Variants in AGTPBP1 observed in about 807,000 individuals in gnomAD.
AGTPBP1 encodes the protein ATP/GTP binding carboxypeptidase 1.
A neutral mutation model predicts 143.9 loss-of-function variants in AGTPBP1; 70 were observed. The observed-to-expected ratio is 0.49, with a 90% confidence interval of 0.40 to 0.59. The LOEUF is 0.59. Ranked by LOEUF, AGTPBP1 falls within the 20% of genes least tolerant of loss-of-function variation. The probability of loss-of-function intolerance (pLI) is 0.00; values close to 1 mark genes in which losing one functional copy is unlikely to be tolerated. For synonymous variants in AGTPBP1, 463 were observed against 500.2 expected (o/e 0.93, Z 0.99); for missense variants, 1,229 against 1,464.5 (o/e 0.84, Z 2.62).
At chr9:85,727,048 G>A (rs1191874141) in intron 1 of AGTPBP1, among the ~76,000 whole-genome samples, 2 of 152,130 alleles carry the variant, frequency 1.3e-5, no homozygotes, top group African/African-American at 2.4e-5. Context: ...TCCAAAATTC[G>A]GCCGGGTGTG....
intron 1 of AGTPBP1, among the ~76,000 whole-genome samples, chr9:85,721,066 G>A (rs57133189): frequency 0.029 from 4,412 of 152,266 alleles, 208 homozygotes; most frequent in African/African-American, 0.1. Context: ...TGCATTTGCT[G>A]AGGAGTGTTT....
Position 85,712,433 on chromosome 9 carries a change from G to A in AGTPBP1, c.32+69C>T, listed in dbSNP as rs572834121. 4.0e-5 allele frequency: 30 copies of A among 742,950 alleles called. 1 individual carries two copies. In the Admixed American group the frequency reaches 4.9e-4, roughly 12 times the overall value. The allele number at this position is 742,950 out of a possible 1,614,324, so 46.0% of individuals were successfully genotyped here. A position where few individuals can be genotyped will look rare whatever the true frequency, so the allele number is the denominator to read the frequency against. ...CACAAATAATACTTTGTCAAGTATT[G>A]AGTTTCAAGTAATTCTGTCATACAT... On this transcript the variant is annotated intron_variant, in intron 2 of 25. Transcript: ENST00000357081.
chr9:85,742,005 G>A (rs552189592), upstream of AGTPBP1: 1 of 1,208,212 alleles, frequency 8.3e-7, no homozygotes, highest in African/African-American at 1.6e-5. Context: ...CGCACGCCTT[G>A]CCAGCCGGCT....
intron 2 of AGTPBP1, among the ~76,000 whole-genome samples, chr9:85,703,269 T>C (rs914590219): frequency 2.6e-5 from 4 of 152,206 alleles, no homozygotes; most frequent in Non-Finnish European, 5.9e-5. Flanking sequence ...AAGACAGAAT[T>C]ATTCAATGAT....
chr9:85,678,279 T>C (rs1834958550), intron 5 of AGTPBP1, 56 bp downstream of exon 5: 4 of 1,205,046 alleles, frequency 3.3e-6, no homozygotes, highest in Middle Eastern at 1.9e-4. Flanking sequence ...GTGAATACGA[T>C]ACATTGTTGA....
At position 85,669,488 on chromosome 9, in the gene AGTPBP1, A is replaced by G; in HGVS notation, c.659T>C (p.Ile220Thr). 1 of 1,598,854 alleles carries G rather than the reference A, an allele frequency of 6.3e-7. No homozygotes were observed. The highest frequency in any genetic ancestry group is 1.3e-5 in the African/African-American group (1 of 74,648). ...TACATTCAAAACATTTACTCACTTT[A>G]TAAGACTGGAATTCTTCTTACTAAA... The part of the protein sequence containing the change: ...GPFSKKNSSL[I>T]KVALDTLAAL... The change falls in exon 8 of 26, where the codon ATA becomes ACA. Residue 220 changes from isoleucine to threonine, a missense_variant. This residue lies in a region of AGTPBP1 where 743 missense variants were observed against 812.2 expected (regional missense o/e 0.91). Coordinates refer to ENST00000357081, the MANE Select transcript of AGTPBP1 (RefSeq NM_001330701.2).
chr9:85,672,676 T>G lies in AGTPBP1; in HGVS notation c.442A>C (p.Lys148Gln). 6.3e-7 allele frequency: 1 copy of G among 1,588,726 alleles called. No individual in the cohort carries two copies. The highest frequency in any genetic ancestry group is 1.2e-5 in the South Asian group (1 of 85,842). Residue 148 changes from lysine (K) to glutamine (Q), a missense_variant, in exon 7 of 26, where the codon AAA (lysine) becomes CAA (glutamine). Around this residue, in one of 2 missense-constraint regions of AGTPBP1, gnomAD observed 743 missense variants for 812.2 expected, o/e 0.91. Coordinates refer to ENST00000357081, the MANE Select transcript of AGTPBP1 (RefSeq NM_001330701.2). ...TTAATTCTAGCCTTTACTCCAAATT[T>G]TTTATCTGTTTAAAAAAAAAAAAGA... ...ILAKIGPKDK[K>Q]FGVKARINGA...
chr9:85,728,852 T>C (rs937357858), intron 1 of AGTPBP1, among the ~76,000 whole-genome samples: 1 of 152,198 alleles, frequency 6.6e-6, no homozygotes, highest in African/African-American at 2.4e-5. Flanking sequence ...AGTATTACCT[T>C]GGCTTATGGT....
rs967492174 is a variant in AGTPBP1, at chr9:85,730,116, TC to T, written c.-34+11658del. 1.4e-4 allele frequency among the ~76,000 whole-genome samples: 22 copies of T among 152,322 alleles called. 1 individual carries two copies. Among genetic ancestry groups the T allele is most frequent in the African/African-American group, 4.1e-4 (17 of 41,584 alleles). Reference sequence around the variant, plus strand: ...CAATTTCACAATTAGACCAGAGGTTTCCTAATCATAAAAGAGGTAACTCTCT... The same window carrying T: ...CAATTTCACAATTAGACCAGAGGTTTCTAATCATAAAAGAGGTAACTCTCT... On this transcript the variant is annotated intron_variant, in intron 1 of 25. Coordinates refer to ENST00000357081, the MANE Select transcript of AGTPBP1 (RefSeq NM_001330701.2).
intron 3 of AGTPBP1, among the ~76,000 whole-genome samples, chr9:85,681,922 G>A (rs1835209041): frequency 6.6e-6 from 1 of 151,432 alleles, no homozygotes; most frequent in African/African-American, 2.4e-5. Flanking sequence ...GCTAATTTTT[G>A]TATTTTTAGT....
chr9:85,801,403 G>A, the AGTPBP1 span, among the ~76,000 whole-genome samples: 1 of 152,188 alleles, frequency 6.6e-6, no homozygotes, highest in Non-Finnish European at 1.5e-5. Flanking sequence ...CATGCAATGT[G>A]TAATAATCAC....
At chr9:85,678,431 G>T in intron 4 of AGTPBP1, 33 bp from the exon 5 acceptor site, 1 of 1,414,916 alleles carries the variant, frequency 7.1e-7, no homozygotes, top group Non-Finnish European at 9.7e-7. Context: ...TTAAAACATT[G>T]TAAACTTTTG....
chr9:85,693,942 C>T (rs1402112673), intron 2 of AGTPBP1, among the ~76,000 whole-genome samples: 2 of 152,024 alleles, frequency 1.3e-5, no homozygotes, highest in Admixed American at 1.3e-4. Flanking sequence ...AAAACGGAGG[C>T]ACAAGCTCCT....
At chr9:85,640,863 G>A (rs1408040022) in intron 13 of AGTPBP1, among the ~76,000 whole-genome samples, 1 of 152,188 alleles carries the variant, frequency 6.6e-6, no homozygotes, top group Non-Finnish European at 1.5e-5. Flanking sequence ...AATCACATGA[G>A]AGTAGTGCCC....
intron 2 of AGTPBP1, among the ~76,000 whole-genome samples, chr9:85,705,696 T>C (rs1836942385): frequency 6.6e-6 from 1 of 152,036 alleles, no homozygotes; most frequent in Non-Finnish European, 1.5e-5. Context: ...GAAGGTTTTT[T>C]TGGGTTTTTT....
intron 24 of AGTPBP1, 59 bp from the exon 25 acceptor site, chr9:85,575,534 C>T: frequency 1.4e-6 from 2 of 1,383,782 alleles, no homozygotes; most frequent in Non-Finnish European, 1.9e-6. Context: ...CTGGATACAG[C>T]TCAATGAAAT....
rs1162888193 is a variant in AGTPBP1, at chr9:85,575,219, C to T, written c.3503+96G>A. 10 of 842,866 alleles carry T rather than the reference C, an allele frequency of 1.2e-5. No homozygotes were observed. In the East Asian group the frequency reaches 3.0e-4, roughly 26 times the overall value. The allele number at this position is 842,866 out of a possible 1,614,324, so 52.2% of individuals were successfully genotyped here. A position where few individuals can be genotyped will look rare whatever the true frequency, so the allele number is the denominator to read the frequency against. On this transcript the variant is annotated intron_variant, in intron 25 of 25. Transcript: ENST00000357081. ...CTTAATTATATTAATTCTAAACATG[C>T]TCTTGCCTGTCAAAATTTCCATGCC...
intron 25 of AGTPBP1, 121 bp downstream of exon 25, chr9:85,575,194 C>A: frequency 1.6e-6 from 1 of 619,412 alleles, no homozygotes; most frequent in Non-Finnish European, 2.5e-6. Flanking sequence ...GATGTATTAA[C>A]TTAATTATAT....
At chr9:85,799,516 G>A in the AGTPBP1 span, among the ~76,000 whole-genome samples, 4 of 152,070 alleles carry the variant, frequency 2.6e-5, no homozygotes, top group African/African-American at 4.8e-5. Flanking sequence ...TAAAAAACTT[G>A]TTAAATTTGT....
Sources: allele counts gnomAD v4.1 joint callset (sites outside exome capture counted in the v4.1 genomes callset), GRCh38; gene constraint gnomAD v4.1.1; regional missense constraint gnomAD v4.1.1; transcripts MANE v1.5; gene names NCBI Gene and HGNC (gene_info 2026-07-23, HGNC 2026-07-21).